The following ZFHX4 variants were observed in gnomAD, a reference collection of about 807,000 sequenced individuals.
ZFHX4 encodes the protein zinc finger homeobox protein 4.
Under a neutral mutation model 267.6 loss-of-function variants are expected in ZFHX4, and 56 were observed. The ratio of observed to expected loss-of-function variants is 0.21; its 90% CI spans 0.17 to 0.26. The LOEUF (loss-of-function observed/expected upper bound fraction) is 0.26, where lower values mean the gene tolerates loss of function less well. Ranked by LOEUF, ZFHX4 falls within the 10% of genes least tolerant of loss-of-function variation. The pLI is 1.00. For synonymous variants in ZFHX4, 1,778 were observed against 1,665.6 expected (o/e 1.07, Z -1.64); for missense variants, 4,332 against 4,420.0 (o/e 0.98, Z 0.56).
In ZFHX4 at chr8:76,705,110, C is replaced by T. The variant is rs267601996; in HGVS notation, c.1022C>T (p.Ser341Phe). The T allele has an allele frequency of 6.2e-7, 1 of 1,613,638 alleles. No homozygotes were observed. The highest frequency in any genetic ancestry group is 1.7e-4 in the Middle Eastern group (1 of 6,056). ...ATAAGCTTTCTGGAACCAAAAAAAT[C>T]CACTTCTGTTTATCCCCATTTTTCT... ...PLISFLEPKK[S>F]TSVYPHFSTT... Residue 341 changes from serine (S) to phenylalanine (F), a missense_variant, in exon 2 of 11, where the codon TCC becomes TTC. Ser to Phe is a radical substitution (Grantham distance 155, BLOSUM62 -2). Coordinates refer to ENST00000651372, the MANE Select transcript of ZFHX4 (RefSeq NM_024721.5).
intron 4 of ZFHX4, among the ~76,000 whole-genome samples, chr8:76,795,412 C>A (rs1212250049): frequency 6.6e-6 from 1 of 151,906 alleles, no homozygotes; most frequent in Non-Finnish European, 1.5e-5. Context: ...TAGCTTGCAC[C>A]GTAGGCACAC....
intron 3 of ZFHX4, among the ~76,000 whole-genome samples, chr8:76,735,373 TTTTTCAACCATGGAAAAAAGCTCATC>T (rs1301410149): frequency 6.6e-6 from 1 of 152,086 alleles, no homozygotes; most frequent in Non-Finnish European, 1.5e-5. Context: ...CTATAAAGCA[TTTTTCAACCATGGAAAAAAGCTCATC>T]TTTTCTATTT....
rs550399882 is a variant in ZFHX4, at chr8:76,760,971, G to C, written c.3094-17237G>C. Among the ~76,000 whole-genome samples the C allele has an allele frequency of 2.7e-5, 4 of 150,448 alleles. No homozygotes were observed. The South Asian group carries it at 8.4e-4, about 32-fold the overall frequency. The stretch of plus-strand genomic sequence containing the variant: ...AAAAAGAGAAAAAAAAGTTAGCCTG[G>C]CTCTCTATTGAGAGCCAGTTAGTTA... On this transcript the variant is annotated intron_variant, in intron 3 of 10. Transcript: ENST00000651372.
intron 3 of ZFHX4, chr8:76,733,364 C>A (rs1309603918): frequency 6.6e-6 from 1 of 152,216 alleles, no homozygotes; most frequent in East Asian, 1.9e-4. Flanking sequence ...TAGACCTGAT[C>A]CCCCACGTCT....
chr8:76,811,568 G>C (rs1298670215), intron 4 of ZFHX4, among the ~76,000 whole-genome samples: 2 of 152,152 alleles, frequency 1.3e-5, no homozygotes, highest in African/African-American at 2.4e-5. Flanking sequence ...CTGATGTTAT[G>C]TGTTTGGAGA....
chr8:76,795,706 C>T (rs537372646), intron 4 of ZFHX4, among the ~76,000 whole-genome samples: 1 of 152,118 alleles, frequency 6.6e-6, no homozygotes, highest in African/African-American at 2.4e-5. Flanking sequence ...CCACACCCGG[C>T]TAATCTTGTT....
In ZFHX4 at chr8:76,850,251, G is replaced by C. The variant is rs762294446; in HGVS notation, c.3853G>C (p.Val1285Leu). Residue 1285 changes from valine (V) to leucine (L), a missense_variant, in exon 9 of 11, where the codon GTC becomes CTC. By Grantham distance (32) the Val-to-Leu change is conservative (BLOSUM62 1). Coordinates refer to ENST00000651372, the MANE Select transcript of ZFHX4 (RefSeq NM_024721.5). ...ACCCCTTTGGTTTCCAAAGGTGCCT[G>C]TCCCTGATGTGATGATGCCAAACAG... is the stretch of plus-strand genomic sequence containing the variant. ...CVEKLLMTVP[V>L]PDVMMPNSML... 2 of 1,611,960 alleles carry C rather than the reference G, an allele frequency of 1.2e-6. No homozygotes were observed. The highest frequency in any genetic ancestry group is 1.7e-5 in the Admixed American group (1 of 59,776).
rs377750059 is a variant in ZFHX4, at chr8:76,808,910, G to GTC, written c.3326-24405_3326-24404dup. Among the ~76,000 whole-genome samples, 671 of 144,418 alleles carry GTC rather than the reference G, an allele frequency of 4.6e-3. 2 individuals carry two copies. The highest frequency in any genetic ancestry group is 7.2e-3 in the Middle Eastern group (2 of 278). 94.7% of individuals were successfully genotyped at this position (144,418 alleles called of 152,430 possible). Reference sequence around the variant, plus strand: ...TGTCTCTGTCTCTCTCTATCTCTCTGTCTCTCTCTCTCTCTCTCTCTCTCA... The same window carrying GTC: ...TGTCTCTGTCTCTCTCTATCTCTCTGTCTCTCTCTCTCTCTCTCTCTCTCTCA... On this transcript the variant is annotated intron_variant, in intron 4 of 10. Transcript: ENST00000651372.
At chr8:76,738,570 G>A (rs1040178016) in intron 3 of ZFHX4, among the ~76,000 whole-genome samples, 4 of 151,796 alleles carry the variant, frequency 2.6e-5, no homozygotes, top group Admixed American at 2.0e-4. Flanking sequence ...GGAATCAGTG[G>A]AACAAGATTT....
At chr8:76,796,041 T>A (rs528390606) in intron 4 of ZFHX4, among the ~76,000 whole-genome samples, 1 of 152,244 alleles carries the variant, frequency 6.6e-6, no homozygotes, top group South Asian at 2.1e-4. Flanking sequence ...GTAGTTTAAA[T>A]CAGGAGAGAA....
At chr8:76,692,464 T>A (rs1807848710) in intron 1 of ZFHX4, among the ~76,000 whole-genome samples, 1 of 152,082 alleles carries the variant, frequency 6.6e-6, no homozygotes, top group Non-Finnish European at 1.5e-5. Flanking sequence ...AGAGAAGAGA[T>A]CCAGTTATTA....
chr8:76,864,562 G>T lies in ZFHX4; in HGVS notation c.10848G>T (p.Val3616=). Residue 3616 remains valine, a synonymous_variant, in exon 11 of 11, where the codon GTG becomes GTT. Transcript: ENST00000651372. ...GCATCCGAATGGATATGTTCAGTGT[G>T]TAGGAGTGAAGACAGGATCCCGTGC... ...FNSIRMDMFS[V] is the part of the protein sequence containing the mutation. 6.4e-7 allele frequency: 1 copy of T among 1,550,956 alleles called. No homozygotes were observed. Among genetic ancestry groups the T allele is most frequent in the South Asian group, 1.2e-5 (1 of 81,116 alleles).
chr8:76,755,847 T>C (rs929808719), intron 3 of ZFHX4, among the ~76,000 whole-genome samples: 4 of 152,142 alleles, frequency 2.6e-5, no homozygotes, highest in Non-Finnish European at 5.9e-5. Context: ...AAGCTCAGCA[T>C]TGCTATAATG....
Position 76,863,721 on chromosome 8 carries a change from A to C in ZFHX4, c.10007A>C (p.Gln3336Pro). 1 of 1,559,776 alleles carries C rather than the reference A, an allele frequency of 6.4e-7. No homozygotes were observed. Among genetic ancestry groups the C allele is most frequent in the Non-Finnish European group, 8.7e-7 (1 of 1,151,442 alleles). The change falls in exon 11 of 11, where the codon CAA (glutamine) becomes CCA (proline). Residue 3336 changes from glutamine (Q) to proline (P), a missense_variant. By Grantham distance (76) the Gln-to-Pro change is moderately conservative (BLOSUM62 -1). This residue lies in a region of ZFHX4 where 1,648 missense variants were observed against 1,625.0 expected (regional missense o/e 1.01). Coordinates refer to ENST00000651372, the MANE Select transcript of ZFHX4 (RefSeq NM_024721.5). ...LQESLQKQQK[Q>P]QQEQQQKPVQ... Reference sequence around the variant, plus strand: ...GAGTCCCTGCAAAAGCAGCAAAAGCAACAGCAAGAACAGCAGCAGAAACCA... The same window carrying C: ...GAGTCCCTGCAAAAGCAGCAAAAGCCACAGCAAGAACAGCAGCAGAAACCA...
intron 3 of ZFHX4, among the ~76,000 whole-genome samples, chr8:76,745,026 C>G (rs528330066): frequency 6.6e-6 from 1 of 152,278 alleles, no homozygotes; most frequent in African/African-American, 2.4e-5. Context: ...AATGCTGGGC[C>G]ATGATGACAT....
At chr8:76,798,395 G>A (rs886368552) in intron 4 of ZFHX4, among the ~76,000 whole-genome samples, 1 of 152,056 alleles carries the variant, frequency 6.6e-6, no homozygotes, top group East Asian at 1.9e-4. Flanking sequence ...TCTGGTATTC[G>A]GAATTGCTCC....
chr8:76,746,393 G>A (rs1257396109), intron 3 of ZFHX4, among the ~76,000 whole-genome samples: 3 of 152,160 alleles, frequency 2.0e-5, no homozygotes, highest in Non-Finnish European at 4.4e-5. Context: ...GGGTGACAGA[G>A]TGAGATCCTG....
rs750695357 is a variant in ZFHX4 at position 76,853,305 on chromosome 8, G to T, written c.6384G>T (p.Gln2128His). The T allele has an allele frequency of 1.2e-5, 20 of 1,612,024 alleles. No homozygotes were observed. The African/African-American group carries it at 1.7e-4, about 14-fold the overall frequency. ...ATCCCAACTTCTTAAGACATTCTCA[G>T]TTCAAACGCCCACGGACAAGAATTA... is the stretch of plus-strand genomic sequence containing the variant. ...GLDPNFLRHSQFKRPRTRITD... is the reference protein window; with the variant it reads ...GLDPNFLRHSHFKRPRTRITD... The change falls in exon 10 of 11, where the codon CAG becomes CAT. Residue 2128 changes from glutamine (Q) to histidine (H), a missense_variant. This residue lies in a region of ZFHX4 where 1,371 missense variants were observed against 1,423.1 expected (regional missense o/e 0.96). Coordinates refer to ENST00000651372, the MANE Select transcript of ZFHX4 (RefSeq NM_024721.5).
chr8:76,778,351 G>T lies in ZFHX4; in HGVS notation c.3237G>T (p.Lys1079Asn). 2 of 1,613,876 alleles carry T rather than the reference G, an allele frequency of 1.2e-6. No homozygotes were observed. The highest frequency in any genetic ancestry group is 1.7e-6 in the Non-Finnish European group (2 of 1,179,810). ...VKHQQTEGLRKLQLHQQGLAP... is the reference protein window; with the variant it reads ...VKHQQTEGLRNLQLHQQGLAP... ...ATCAGCAGACTGAGGGCCTACGGAAGCTCCAGCTCCACCAGCAAGGCCTGG... is the reference window on the plus strand; with the variant it reads ...ATCAGCAGACTGAGGGCCTACGGAATCTCCAGCTCCACCAGCAAGGCCTGG... The change falls in exon 4 of 11, where the codon AAG becomes AAT. Residue 1079 changes from lysine (K) to asparagine (N), a missense_variant. Physicochemically the swap from Lys to Asn is moderately conservative, Grantham distance 94. Around this residue, in one of 7 missense-constraint regions of ZFHX4, gnomAD observed 1,371 missense variants for 1,423.1 expected, o/e 0.96. Coordinates refer to ENST00000651372, the MANE Select transcript of ZFHX4 (RefSeq NM_024721.5).
Sources: gnomAD v4.1 joint callset for allele counts (sites outside exome capture counted in the v4.1 genomes callset) on GRCh38, gnomAD v4.1.1 for gene constraint, gnomAD v4.1.1 regional missense constraint, MANE v1.5 for transcripts, NCBI Gene and HGNC (gene_info 2026-07-23, HGNC 2026-07-21) for gene names.